AP1S3: variants seen among roughly 807,000 people sequenced by gnomAD.
AP1S3 encodes adaptor related protein complex 1 subunit sigma 3.
AP1S3 carries 10 observed loss-of-function variants against 20.9 expected under a neutral mutation model. The ratio of observed to expected loss-of-function variants is 0.48; its 90% CI spans 0.29 to 0.81. The LOEUF is 0.81. AP1S3 is among the 30% of genes least tolerant of loss of function. The pLI, the probability that AP1S3 is intolerant of heterozygous loss-of-function variation, is 0.08. For missense variants in AP1S3, 154 were observed against 183.8 expected (o/e 0.84, Z 0.94); for synonymous variants, 41 against 61.5 (o/e 0.67, Z 1.56).
At chr2:223,804,902 C>G (rs1691544711) in intron 1 of AP1S3, among the ~76,000 whole-genome samples, 1 of 152,160 alleles carries the variant, frequency 6.6e-6, no homozygotes. Flanking sequence ...ATTGGCAGAT[C>G]TGGTTCTAGT....
At chr2:223,806,277 A>ATTTTTTT (rs144953846) in intron 1 of AP1S3, among the ~76,000 whole-genome samples, 7 of 111,050 alleles carry the variant, frequency 6.3e-5, no homozygotes, top group Admixed American at 1.1e-4. Context: ...AAACAAAGGA[A>ATTTTTTT]TTTTTTTTTT....
chr2:223,817,827 A>C (rs1209083308), intron 1 of AP1S3, among the ~76,000 whole-genome samples: 1 of 151,938 alleles, frequency 6.6e-6, no homozygotes, highest in Admixed American at 6.6e-5. Flanking sequence ...TTTTCTGATC[A>C]TCATCTAACT....
rs112316770 is a variant in AP1S3, at chr2:223,833,241, A to AATAAATAAATACATACATAC, written c.3+4206_3+4207insGTATGTATGTATTTATTTAT. Among the ~76,000 whole-genome samples the AATAAATAAATACATACATAC allele has an allele frequency of 2.0e-5, 3 of 148,550 alleles. No individual in the cohort carries two copies. The East Asian group carries it at 6.0e-4, about 30-fold the overall frequency. ...CCCACAGCTATCTTGTTAAAGGCAAAATACATACATACATACATACATACA... is the reference window on the plus strand; with the variant it reads ...CCCACAGCTATCTTGTTAAAGGCAAAATAAATAAATACATACATACATACATACATACATACATACATACA... On this transcript the variant is annotated intron_variant, in intron 1 of 4. Coordinates refer to ENST00000396654, the MANE Select transcript of AP1S3 (RefSeq NM_001039569.2).
intron 1 of AP1S3, among the ~76,000 whole-genome samples, chr2:223,804,768 A>C (rs1418161533): frequency 6.6e-6 from 1 of 152,172 alleles, no homozygotes; most frequent in Admixed American, 6.5e-5. Context: ...TCTAGATCAA[A>C]TGAAAGGCAG....
chr2:223,757,606 A>C lies in AP1S3; in HGVS notation c.*1109T>G. On this transcript the variant is annotated 3_prime_UTR_variant, in exon 5 of 5. Coordinates refer to ENST00000396654, the MANE Select transcript of AP1S3 (RefSeq NM_001039569.2). ...CCCGGCCTACAAGCTATTTCCCTGT[A>C]ATATGTCTGATCACTGTTAGGACCT... The C allele has an allele frequency of 1.0e-6, 1 of 985,368 alleles. No individual in the cohort carries two copies. The highest frequency in any genetic ancestry group is 1.2e-6 in the Non-Finnish European group (1 of 829,926). 61.0% of individuals were successfully genotyped at this position (985,368 alleles called of 1,614,324 possible).
intron 1 of AP1S3, among the ~76,000 whole-genome samples, chr2:223,825,832 C>G (rs895321517): frequency 2.6e-5 from 4 of 152,090 alleles, no homozygotes; most frequent in Admixed American, 1.3e-4. Flanking sequence ...GCCTGGCCAA[C>G]ATGGGGAAAC....
At chr2:223,766,295 T>C (rs184775180) in intron 3 of AP1S3, among the ~76,000 whole-genome samples, 1 of 152,236 alleles carries the variant, frequency 6.6e-6, no homozygotes, top group East Asian at 1.9e-4. Flanking sequence ...TTCTTGTACA[T>C]TTGTTTAAGT....
intron 1 of AP1S3, among the ~76,000 whole-genome samples, chr2:223,834,011 C>T (rs1412328236): frequency 2.6e-5 from 4 of 152,024 alleles, no homozygotes; most frequent in Non-Finnish European, 2.9e-5. Flanking sequence ...CGGGTTCAAG[C>T]GATTCTCCTG....
chr2:223,765,117 G>GT, intron 4 of AP1S3, 96 bp downstream of exon 4: 1 of 1,525,886 alleles, frequency 6.6e-7, no homozygotes, highest in Non-Finnish European at 8.8e-7. Context: ...CCAGCACAGA[G>GT]TAAGTACTCA....
chr2:223,813,579 T>G (rs1338327600), intron 1 of AP1S3, among the ~76,000 whole-genome samples: 1 of 152,238 alleles, frequency 6.6e-6, no homozygotes, highest in Non-Finnish European at 1.5e-5. Context: ...CCAGGCAGGC[T>G]GGCAGCAGAT....
At position 223,776,004 on chromosome 2, in the gene AP1S3, G is replaced by A. The variant is rs1371593465; in HGVS notation, c.188C>T (p.Ala63Val). The A allele has an allele frequency of 1.2e-6, 2 of 1,612,664 alleles. No individual in the cohort carries two copies. Among genetic ancestry groups the A allele is most frequent in the Admixed American group, 3.3e-5 (2 of 59,968 alleles). The stretch of plus-strand genomic sequence containing the variant: ...TATTGCACAGCAAAAATATAAACTA[G>A]CATACCTTGAAATGAAAAATAACAA... ...KELKLVYKRY[A>V]SLYFCCAIEN... is the part of the protein sequence containing the mutation. Residue 63 changes from alanine (A) to valine (V), a missense_variant, in exon 3 of 5, where the codon GCT (alanine) becomes GTT (valine). Ala to Val is a moderately conservative substitution (Grantham distance 64). Coordinates refer to ENST00000396654, the MANE Select transcript of AP1S3 (RefSeq NM_001039569.2).
At chr2:223,760,729 C>A (rs752064594) in intron 4 of AP1S3, among the ~76,000 whole-genome samples, 10 of 152,072 alleles carry the variant, frequency 6.6e-5, no homozygotes, top group Admixed American at 1.3e-4. Flanking sequence ...AGAAAAGAAA[C>A]GACCACAGAT....
intron 1 of AP1S3, among the ~76,000 whole-genome samples, chr2:223,819,301 G>A (rs1157324408): frequency 2.6e-5 from 4 of 152,148 alleles, no homozygotes; most frequent in Non-Finnish European, 5.9e-5. Context: ...TAGCTGAACT[G>A]CATAAAGCTT....
intron 3 of AP1S3, among the ~76,000 whole-genome samples, chr2:223,774,824 T>C (rs1690726481): frequency 6.6e-6 from 1 of 152,110 alleles, no homozygotes. Flanking sequence ...ACAGAACGGA[T>C]TTTCAGTAGA....
intron 1 of AP1S3, among the ~76,000 whole-genome samples, chr2:223,807,839 G>A (rs1691620645): frequency 8.6e-6 from 1 of 115,868 alleles, no homozygotes; most frequent in Non-Finnish European, 1.8e-5. Context: ...TTTTTTTTAT[G>A]AATTACCTAG....
chr2:223,779,843 T>G (rs1413078302), intron 1 of AP1S3, among the ~76,000 whole-genome samples: 1 of 151,984 alleles, frequency 6.6e-6, no homozygotes, highest in Admixed American at 6.6e-5. Flanking sequence ...GGTGCATGCT[T>G]GTAGTCCCAG....
In AP1S3 at chr2:223,790,233, C is replaced by CTT. The variant is rs373959648; in HGVS notation, c.4-12366_4-12365dup. ...ACAAAGAAAAGAAATTGCCTCCAGT[C>CTT]TTTTTTTTTTTTTTTTGAGAAAGAG... On this transcript the variant is annotated intron_variant, in intron 1 of 4. Transcript: ENST00000396654. Among the ~76,000 whole-genome samples, 905 of 140,984 alleles carry CTT rather than the reference C, an allele frequency of 6.4e-3. 10 individuals are homozygous for CTT. The highest frequency in any genetic ancestry group is 0.019 in the African/African-American group (709 of 38,294). 92.5% of individuals were successfully genotyped at this position (140,984 alleles called of 152,430 possible).
chr2:223,783,663 G>T (rs555283225), intron 1 of AP1S3, among the ~76,000 whole-genome samples: 1 of 152,320 alleles, frequency 6.6e-6, no homozygotes, highest in East Asian at 1.9e-4. Flanking sequence ...TCCAGTAGCA[G>T]CTTTGGTTCA....
At position 223,829,905 on chromosome 2, in the gene AP1S3, C is replaced by T. The variant is rs150013076; in HGVS notation, c.3+7543G>A. On this transcript the variant is annotated intron_variant, in intron 1 of 4. Transcript: ENST00000396654. ...TTGTGTCTTGTCCGTGGCACTTTCA[C>T]TCTACAACAGAAGAGTTGAGGAATA... is the stretch of plus-strand genomic sequence containing the variant. 1.4e-3 allele frequency among the ~76,000 whole-genome samples: 209 copies of T among 152,016 alleles called. 2 individuals carry two copies. Among genetic ancestry groups the T allele is most frequent in the Middle Eastern group, 6.9e-3 (2 of 288 alleles).
Sources: gnomAD v4.1 joint callset for allele counts (sites outside exome capture counted in the v4.1 genomes callset) on GRCh38, gnomAD v4.1.1 for gene constraint, MANE v1.5 for transcripts, NCBI Gene and HGNC (gene_info 2026-07-23, HGNC 2026-07-21) for gene names.